Variants in GMPR observed in about 807,000 individuals in gnomAD.
The protein encoded by GMPR is GMP reductase 1.
GMPR carries 31 observed loss-of-function variants against 38.4 expected under a neutral mutation model. That is an observed-to-expected ratio of 0.81 (90% CI 0.61 to 1.09). The LOEUF (loss-of-function observed/expected upper bound fraction) is 1.09. Among genes scored for constraint, GMPR ranks in the 50% least tolerant of loss-of-function variants. The pLI is 0.00. For synonymous variants in GMPR, 162 were observed against 173.3 expected (o/e 0.93, Z 0.51); for missense variants, 468 against 453.7 (o/e 1.03, Z -0.29).
chr6:16,241,271 G>A (rs1010348837), intron 1 of GMPR, among the ~76,000 whole-genome samples: 5 of 152,152 alleles, frequency 3.3e-5, no homozygotes, highest in Non-Finnish European at 7.3e-5. Flanking sequence ...CTGATGATGG[G>A]CTTATCCTCG....
At chr6:16,294,740 G>A (rs943752489) in intron 8 of GMPR, among the ~76,000 whole-genome samples, 4 of 152,220 alleles carry the variant, frequency 2.6e-5, no homozygotes, top group Admixed American at 2.0e-4. Context: ...TCCTTCAAGC[G>A]CTGCTCACCA....
At chr6:16,290,336 C>A in intron 7 of GMPR, 126 bp from the exon 8 acceptor site, 1 of 831,414 alleles carries the variant, frequency 1.2e-6, no homozygotes, top group Non-Finnish European at 2.0e-6. Context: ...AGAGGTCCAG[C>A]CTTTCTCTTG....
At chr6:16,272,171 C>A (rs762522603) in intron 4 of GMPR, among the ~76,000 whole-genome samples, 30 of 152,140 alleles carry the variant, frequency 2.0e-4, no homozygotes, top group Non-Finnish European at 3.5e-4. Flanking sequence ...CATGCCACTG[C>A]ACTCCAGTCT....
intron 3 of GMPR, among the ~76,000 whole-genome samples, chr6:16,250,770 C>T (rs1157294508): frequency 1.3e-5 from 2 of 151,978 alleles, no homozygotes; most frequent in South Asian, 4.2e-4. Context: ...AGCCAGGCAC[C>T]GTGGGTCATG....
At chr6:16,244,472 A>G (rs1263543236) in intron 1 of GMPR, among the ~76,000 whole-genome samples, 1 of 151,846 alleles carries the variant, frequency 6.6e-6, no homozygotes, top group African/African-American at 2.4e-5. Flanking sequence ...TCAGCCTCCC[A>G]CGGTACTGGG....
chr6:16,289,170 C>T (rs929506524), intron 7 of GMPR, among the ~76,000 whole-genome samples: 2 of 152,198 alleles, frequency 1.3e-5, no homozygotes, highest in African/African-American at 2.4e-5. Context: ...AGGTCTATAG[C>T]TTCATTTTTG....
intron 8 of GMPR, among the ~76,000 whole-genome samples, chr6:16,294,792 C>T (rs1223628240): frequency 6.6e-6 from 1 of 152,228 alleles, no homozygotes; most frequent in Non-Finnish European, 1.5e-5. Context: ...CAGCAATGAG[C>T]CCGTGCCCTT....
rs993393897 is a variant in GMPR at position 16,291,443 on chromosome 6, C to T, written c.857+822C>T. Among the ~76,000 whole-genome samples the T allele has an allele frequency of 4.6e-5, 7 of 152,124 alleles. No individual in the cohort carries two copies. In the South Asian group the frequency reaches 6.2e-4, roughly 14 times the overall value. On this transcript the variant is annotated intron_variant, in intron 8 of 8. Transcript: ENST00000259727. ...TTCGTCATGTTGGCCAGGCTGGTCT[C>T]GAACTCCTGACTTCCAGTGATCCAC...
chr6:16,286,803 G>C (rs1051731615), intron 7 of GMPR, among the ~76,000 whole-genome samples: 1 of 152,060 alleles, frequency 6.6e-6, no homozygotes, highest in Non-Finnish European at 1.5e-5. Flanking sequence ...CTACTCAGGA[G>C]GCCAAGGTGG....
chr6:16,291,354 A>G (rs1469980219), intron 8 of GMPR, among the ~76,000 whole-genome samples: 2 of 151,578 alleles, frequency 1.3e-5, no homozygotes, highest in African/African-American at 2.4e-5. Flanking sequence ...CTCCCGAATA[A>G]CTGGGATTAC....
In GMPR at chr6:16,282,949, T is replaced by C. The variant is rs533207229; in HGVS notation, c.655-2844T>C. ...TCAGCCTCCCGAGTAGCTGGGATTA[T>C]AGGCATACGCCACCACACCCAACTA... On this transcript the variant is annotated intron_variant, in intron 6 of 8. Coordinates refer to ENST00000259727, the MANE Select transcript of GMPR (RefSeq NM_006877.4). Among the ~76,000 whole-genome samples the C allele has an allele frequency of 1.6e-3, 244 of 151,824 alleles. 4 individuals are homozygous for C. Among genetic ancestry groups the C allele is most frequent in the African/African-American group, 5.5e-3 (229 of 41,388 alleles).
intron 8 of GMPR, among the ~76,000 whole-genome samples, chr6:16,291,879 C>T (rs1001548207): frequency 6.6e-6 from 1 of 151,392 alleles, no homozygotes; most frequent in African/African-American, 2.4e-5. Context: ...CCACTGTGCT[C>T]CAGCCTGGGC....
intron 4 of GMPR, chr6:16,262,586 CTAT>C (rs1759107604): frequency 6.6e-6 from 1 of 151,984 alleles, no homozygotes; most frequent in Non-Finnish European, 1.5e-5. Context: ...CAACTTTTCT[CTAT>C]TATTGTACAC....
chr6:16,264,083 A>G (rs1193516333), intron 4 of GMPR, among the ~76,000 whole-genome samples: 2 of 151,906 alleles, frequency 1.3e-5, no homozygotes, highest in Non-Finnish European at 2.9e-5. Context: ...GTGGTCTGAC[A>G]CCTCTGAAAC....
intron 1 of GMPR, among the ~76,000 whole-genome samples, chr6:16,244,808 A>C (rs1177952593): frequency 2.0e-5 from 3 of 152,124 alleles, no homozygotes; most frequent in African/African-American, 7.2e-5. Context: ...AAGTTGGGGA[A>C]GATCATTTTA....
At chr6:16,269,754 G>A (rs536043085) in intron 4 of GMPR, among the ~76,000 whole-genome samples, 11 of 152,154 alleles carry the variant, frequency 7.2e-5, no homozygotes, top group Admixed American at 2.6e-4. Context: ...CTGTGATTGC[G>A]CCATTGCACT....
chr6:16,254,560 A>G lies in GMPR; in HGVS notation c.292-2A>G. ...CTGTCTTCTTGGTTTATTTTGGTGCAGAATGTAGCCGTGAGTTCAGGCAGT... is the reference window on the plus strand; with the variant it reads ...CTGTCTTCTTGGTTTATTTTGGTGCGGAATGTAGCCGTGAGTTCAGGCAGT... On this transcript the variant is annotated splice_acceptor_variant, in intron 3 of 8. Coordinates refer to ENST00000259727, the MANE Select transcript of GMPR (RefSeq NM_006877.4). LOFTEE classifies it high-confidence loss of function. 1 of 1,612,978 alleles carries G rather than the reference A, an allele frequency of 6.2e-7. No individual in the cohort carries two copies. Among genetic ancestry groups the G allele is most frequent in the East Asian group, 2.2e-5 (1 of 44,866 alleles).
rs774900036 is a variant in GMPR, at chr6:16,290,449, C to T, written c.698-13C>T. On this transcript the variant is annotated splice_polypyrimidine_tract_variant and intron_variant, in intron 7 of 8. Transcript: ENST00000259727. Reference sequence around the variant, plus strand: ...CTCTGCTACTCGCTTTCATCCCCACCGTTGGCATTTAGGAGCTGGAGCAGA... The same window carrying T: ...CTCTGCTACTCGCTTTCATCCCCACTGTTGGCATTTAGGAGCTGGAGCAGA... The T allele has an allele frequency of 9.9e-6, 16 of 1,612,518 alleles. No individual in the cohort carries two copies. The highest frequency in any genetic ancestry group is 4.0e-5 in the African/African-American group (3 of 74,886).
At position 16,290,455 on chromosome 6, in the gene GMPR, C is replaced by T. The variant is rs888934304; in HGVS notation, c.698-7C>T. The T allele has an allele frequency of 2.5e-6, 4 of 1,613,062 alleles. No homozygotes were observed. In the African/African-American group the frequency reaches 5.3e-5, roughly 22 times the overall value. On this transcript the variant is annotated splice_region_variant and splice_polypyrimidine_tract_variant and intron_variant, in intron 7 of 8. Coordinates refer to ENST00000259727, the MANE Select transcript of GMPR (RefSeq NM_006877.4). ...TACTCGCTTTCATCCCCACCGTTGG[C>T]ATTTAGGAGCTGGAGCAGATTTTGT...
Sources: allele counts gnomAD v4.1 joint callset (sites outside exome capture counted in the v4.1 genomes callset), GRCh38; gene constraint gnomAD v4.1.1; transcripts MANE v1.5; gene names NCBI Gene and HGNC (gene_info 2026-07-23, HGNC 2026-07-21).